Variants in TENM2 observed in about 807,000 individuals in gnomAD.
TENM2 encodes teneurin-2.
In TENM2, 52 loss-of-function variants were observed where a neutral mutation model predicts 245.2. The observed-to-expected ratio is 0.21, with a 90% CI of 0.17 to 0.27. TENM2 has a LOEUF of 0.27. TENM2 is among the 10% of genes least tolerant of loss of function. The pLI, the probability that TENM2 is intolerant of heterozygous loss-of-function variation, is 1.00. For synonymous variants in TENM2, 1,363 were observed against 1,438.9 expected (o/e 0.95, Z 1.19); for missense variants, 3,046 against 3,666.8 (o/e 0.83, Z 4.37).
chr5:167,011,620 T>C, the TENM2 span, among the ~76,000 whole-genome samples: 1 of 152,198 alleles, frequency 6.6e-6, no homozygotes. Context: ...TTCAAATTTG[T>C]TATGTATACT....
intron 2 of TENM2, among the ~76,000 whole-genome samples, chr5:167,380,527 T>C (rs1040279304): frequency 6.6e-6 from 1 of 152,210 alleles, no homozygotes; most frequent in Non-Finnish European, 1.5e-5. Flanking sequence ...GCATGGTCTT[T>C]AGTTATTTAT....
chr5:167,386,847 C>T (rs189813471), intron 2 of TENM2, among the ~76,000 whole-genome samples: 1 of 152,088 alleles, frequency 6.6e-6, no homozygotes, highest in Admixed American at 6.6e-5. Flanking sequence ...TTCTGGCTTC[C>T]CTATTCTGTC....
chr5:167,405,769 A>AACAC (rs149621688), intron 2 of TENM2, among the ~76,000 whole-genome samples: 18,257 of 145,178 alleles, frequency 0.13, 1,841 homozygotes, highest in African/African-American at 0.27. Context: ...CACACACACA[A>AACAC]ACACACACAC....
chr5:168,060,389 A>G (rs1194417079), intron 6 of TENM2, among the ~76,000 whole-genome samples: 1 of 152,148 alleles, frequency 6.6e-6, no homozygotes, highest in African/African-American at 2.4e-5. Context: ...ACTCTAGCCT[A>G]GGCAACAGAG....
the TENM2 span, among the ~76,000 whole-genome samples, chr5:167,159,611 A>C: frequency 3.3e-5 from 5 of 152,228 alleles, no homozygotes; most frequent in Non-Finnish European, 5.9e-5. Context: ...ATCAGTTAAA[A>C]ATTTTTATTT....
chr5:167,750,775 A>G (rs1434595556), intron 2 of TENM2, among the ~76,000 whole-genome samples: 2 of 152,044 alleles, frequency 1.3e-5, no homozygotes, highest in Non-Finnish European at 2.9e-5. Flanking sequence ...TTCTCCCCCA[A>G]CCTCCAGAAG....
chr5:167,346,032 A>G (rs987640915), intron 1 of TENM2, among the ~76,000 whole-genome samples: 1 of 152,168 alleles, frequency 6.6e-6, no homozygotes, highest in South Asian at 2.1e-4. Context: ...ACATTTTGCC[A>G]GGGGTGGGAC....
intron 2 of TENM2, among the ~76,000 whole-genome samples, chr5:167,416,619 A>C (rs758198544): frequency 3.9e-5 from 6 of 152,188 alleles, no homozygotes; most frequent in Non-Finnish European, 7.3e-5. Flanking sequence ...GAATTACCAA[A>C]ACATGTATAA....
intron 25 of TENM2, among the ~76,000 whole-genome samples, chr5:168,235,730 A>T (rs1765370712): frequency 6.6e-6 from 1 of 152,094 alleles, no homozygotes; most frequent in Admixed American, 6.6e-5. Context: ...TCACTTGAAC[A>T]TGCTAGACAG....
intron 24 of TENM2, among the ~76,000 whole-genome samples, chr5:168,227,318 A>AGAGT (rs1234635666): frequency 1.3e-5 from 2 of 152,256 alleles, no homozygotes; most frequent in Admixed American, 6.5e-5. Flanking sequence ...GAGTCTCTTC[A>AGAGT]GAGTTCTCTT....
chr5:167,756,295 G>A (rs1762307895), intron 2 of TENM2, among the ~76,000 whole-genome samples: 1 of 152,086 alleles, frequency 6.6e-6, no homozygotes, highest in South Asian at 2.1e-4. Flanking sequence ...GATGCAGAAT[G>A]AGTTTAATTT....
the TENM2 span, among the ~76,000 whole-genome samples, chr5:167,181,792 C>T: frequency 2.6e-5 from 4 of 152,250 alleles, no homozygotes; most frequent in Admixed American, 1.3e-4. Flanking sequence ...TAACACAACA[C>T]ATTAAGAATA....
intron 2 of TENM2, among the ~76,000 whole-genome samples, chr5:167,551,975 T>A (rs990510066): frequency 3.9e-5 from 6 of 152,214 alleles, no homozygotes; most frequent in African/African-American, 1.4e-4. Flanking sequence ...TAACAGCTCC[T>A]TGGCAATTGT....
chr5:167,197,060 A>T, the TENM2 span, among the ~76,000 whole-genome samples: 21 of 152,004 alleles, frequency 1.4e-4, no homozygotes, highest in African/African-American at 5.1e-4. Context: ...ATTCAGCTAG[A>T]TCCAACCTGG....
At chr5:166,991,283 CTGT>C in the TENM2 span, among the ~76,000 whole-genome samples, 2 of 150,720 alleles carry the variant, frequency 1.3e-5, no homozygotes, top group Non-Finnish European at 2.9e-5. Context: ...AGAGAAGTGA[CTGT>C]TGTTGAAACA....
At chr5:167,082,619 C>G in the TENM2 span, among the ~76,000 whole-genome samples, 2 of 152,084 alleles carry the variant, frequency 1.3e-5, no homozygotes, top group Non-Finnish European at 2.9e-5. Flanking sequence ...TTTCTTTTGA[C>G]ACAGTTGTTA....
intron 7 of TENM2, chr5:168,085,645 A>T (rs1268570103): frequency 1.3e-5 from 2 of 152,294 alleles, no homozygotes; most frequent in South Asian, 2.1e-4. Context: ...GAAGGAGAGC[A>T]AAGAAATTGT....
intron 2 of TENM2, among the ~76,000 whole-genome samples, chr5:167,599,857 G>C (rs1216005790): frequency 6.6e-6 from 1 of 152,008 alleles, no homozygotes; most frequent in Non-Finnish European, 1.5e-5. Flanking sequence ...TATCGTTAAA[G>C]GTTTCATGGC....
At chr5:167,877,354 T>A (rs1773513258) in intron 3 of TENM2, among the ~76,000 whole-genome samples, 1 of 152,214 alleles carries the variant, frequency 6.6e-6, no homozygotes, top group Admixed American at 6.5e-5. Context: ...ATGCCCTTCT[T>A]CATAGCCAGG....
Sources: allele counts gnomAD v4.1 joint callset (sites outside exome capture counted in the v4.1 genomes callset), GRCh38; gene constraint gnomAD v4.1.1; transcripts MANE v1.5; gene names NCBI Gene and HGNC (gene_info 2026-07-23, HGNC 2026-07-21).